FRMD5: variants seen among roughly 807,000 people sequenced by gnomAD.
FRMD5 encodes FERM domain-containing protein 5.
FRMD5 carries 20 observed loss-of-function variants against 69.0 expected under a neutral mutation model. The ratio of observed to expected loss-of-function variants is 0.29; its 90% confidence interval spans 0.20 to 0.42. FRMD5 has a LOEUF of 0.42. Ranked by LOEUF, FRMD5 falls within the 10% of genes least tolerant of loss-of-function variation. FRMD5 has a pLI of 1.00. For missense variants in FRMD5, 595 were observed against 708.6 expected, an observed-to-expected ratio of 0.84 and a Z score of 1.82; for synonymous variants, 271 against 260.1, an observed-to-expected ratio of 1.04 and a Z score of -0.40.
intron 1 of FRMD5, among the ~76,000 whole-genome samples, chr15:43,963,452 G>A (rs1261731394): frequency 6.6e-6 from 1 of 152,226 alleles, no homozygotes; most frequent in East Asian, 1.9e-4. Context: ...CTTTTACACT[G>A]TTGGTGGGAC....
At chr15:43,914,367 G>C (rs372819082) in intron 4 of FRMD5, among the ~76,000 whole-genome samples, 1 of 152,012 alleles carries the variant, frequency 6.6e-6, no homozygotes, top group Non-Finnish European at 1.5e-5. Flanking sequence ...TGTTTAGTAC[G>C]TCTTCCTCCC....
rs1274176105 is a variant in FRMD5, at chr15:43,891,851, CCAT to C, written c.728+127_728+129del. 5 of 712,190 alleles carry C rather than the reference CCAT, an allele frequency of 7.0e-6. No individual in the cohort carries two copies. In the African/African-American group the frequency reaches 8.9e-5, roughly 13 times the overall value. The allele number at this position is 712,190 out of a possible 1,614,324, so 44.1% of individuals were successfully genotyped here. ...AGACCACTCCCTTCGTCAGTTACCA[CCAT>C]CAACGCAAGGCTTTGGAGAGGGCTC... On this transcript the variant is annotated intron_variant, in intron 8 of 13. Coordinates refer to ENST00000417257, the MANE Select transcript of FRMD5 (RefSeq NM_032892.5).
intron 1 of FRMD5, among the ~76,000 whole-genome samples, chr15:44,015,065 C>G (rs1890895684): frequency 6.6e-6 from 1 of 152,044 alleles, no homozygotes; most frequent in South Asian, 2.1e-4. Flanking sequence ...TATGCCTAAC[C>G]TTGTGCCAAA....
chr15:44,152,395 A>G (rs1160506339), intron 1 of FRMD5, among the ~76,000 whole-genome samples: 4 of 152,346 alleles, frequency 2.6e-5, no homozygotes, highest in Admixed American at 6.5e-5. Flanking sequence ...AAATACATAA[A>G]TAAGCCACAA....
At chr15:44,061,972 G>A (rs1004333996) in intron 1 of FRMD5, among the ~76,000 whole-genome samples, 2 of 152,172 alleles carry the variant, frequency 1.3e-5, no homozygotes, top group Admixed American at 1.3e-4. Context: ...CATGTCTTTT[G>A]TGAGATGCAC....
rs1043256093 is a variant in FRMD5, at chr15:43,964,517, G to C, written c.103-40208C>G. Among the ~76,000 whole-genome samples, 20 of 148,934 alleles carry C rather than the reference G, an allele frequency of 1.3e-4. No homozygotes were observed. The South Asian group carries it at 3.2e-3, about 24-fold the overall frequency. ...CAAACAAACAAAAAAAAAAACAAAA[G>C]AAAAGAAAAAGAAAAATGAGTGCTC... On this transcript the variant is annotated intron_variant, in intron 1 of 13. Coordinates refer to ENST00000417257, the MANE Select transcript of FRMD5 (RefSeq NM_032892.5).
chr15:43,992,674 G>A (rs1272593881), intron 1 of FRMD5, among the ~76,000 whole-genome samples: 3 of 151,844 alleles, frequency 2.0e-5, no homozygotes, highest in South Asian at 2.1e-4. Context: ...CGCTGCACCC[G>A]GCTGGACTGG....
chr15:44,039,805 A>C (rs771701019), intron 1 of FRMD5, among the ~76,000 whole-genome samples: 2 of 152,160 alleles, frequency 1.3e-5, no homozygotes, highest in Non-Finnish European at 2.9e-5. Flanking sequence ...GCAAGGGAAG[A>C]AAACTGGATG....
At chr15:44,189,068 G>A (rs940964697) in intron 1 of FRMD5, among the ~76,000 whole-genome samples, 1 of 152,136 alleles carries the variant, frequency 6.6e-6, no homozygotes, top group Non-Finnish European at 1.5e-5. Context: ...CATGAGCATG[G>A]CACGGAAGGA....
intron 1 of FRMD5, among the ~76,000 whole-genome samples, chr15:43,970,733 G>A (rs1288462031): frequency 6.6e-6 from 1 of 152,122 alleles, no homozygotes; most frequent in African/African-American, 2.4e-5. Flanking sequence ...GATTACAGGC[G>A]TGAGCCACCG....
At chr15:44,149,349 A>G (rs1443960375) in intron 1 of FRMD5, among the ~76,000 whole-genome samples, 4 of 152,148 alleles carry the variant, frequency 2.6e-5, no homozygotes. Context: ...ATAGTAATAC[A>G]GAAATGAGAG....
chr15:43,903,856 C>T (rs965289341), intron 6 of FRMD5, among the ~76,000 whole-genome samples: 3 of 152,194 alleles, frequency 2.0e-5, no homozygotes, highest in African/African-American at 7.2e-5. Flanking sequence ...CTGATGTCTC[C>T]TAAAGCCCTC....
chr15:44,076,690 G>A (rs1346527384), intron 1 of FRMD5, among the ~76,000 whole-genome samples: 16 of 149,278 alleles, frequency 1.1e-4, no homozygotes, highest in Non-Finnish European at 2.1e-4. Context: ...GAGTTAGTGG[G>A]TGCAGTGCAC....
intron 1 of FRMD5, among the ~76,000 whole-genome samples, chr15:44,128,199 A>G (rs1375868532): frequency 6.6e-6 from 1 of 152,162 alleles, no homozygotes; most frequent in African/African-American, 2.4e-5. Flanking sequence ...ATTAAGTTTC[A>G]CTGGGCACAG....
At chr15:44,153,190 T>C (rs907924411) in intron 1 of FRMD5, among the ~76,000 whole-genome samples, 1 of 152,110 alleles carries the variant, frequency 6.6e-6, no homozygotes, top group Non-Finnish European at 1.5e-5. Context: ...TACCATATGG[T>C]CCAGCAATTC....
intron 1 of FRMD5, among the ~76,000 whole-genome samples, chr15:44,179,499 T>C (rs1323580436): frequency 2.0e-5 from 3 of 152,208 alleles, no homozygotes; most frequent in East Asian, 1.9e-4. Context: ...CTGAAATCAG[T>C]TGAATGAGCA....
intron 1 of FRMD5, among the ~76,000 whole-genome samples, chr15:44,125,318 A>G (rs2077011428): frequency 6.6e-6 from 1 of 151,980 alleles, no homozygotes; most frequent in African/African-American, 2.4e-5. Flanking sequence ...AATAATAATA[A>G]TAATAATTTA....
At chr15:44,174,908 G>T (rs1165839643) in intron 1 of FRMD5, among the ~76,000 whole-genome samples, 1 of 152,084 alleles carries the variant, frequency 6.6e-6, no homozygotes, top group Non-Finnish European at 1.5e-5. Context: ...CTGTTGGGGG[G>T]TTGGGAGGAA....
rs569959627 is a variant in FRMD5 at position 43,989,009 on chromosome 15, G to A, written c.103-64700C>T. On this transcript the variant is annotated intron_variant, in intron 1 of 13. Transcript: ENST00000417257. ...ATGCCAATCTCATCTTGTTTTCTGC[G>A]CAAGTTAGGTTTTGTCAAGAAAGGG... 26 of 774,360 alleles carry A rather than the reference G, an allele frequency of 3.4e-5. No individual in the cohort carries two copies. In the Admixed American group the frequency reaches 3.6e-4, roughly 11 times the overall value. The allele number at this position is 774,360 out of a possible 1,614,324, so 48.0% of individuals were successfully genotyped here. A position where few individuals can be genotyped will look rare whatever the true frequency, so the allele number is the denominator to read the frequency against.
Sources: gnomAD v4.1 joint callset for allele counts (sites outside exome capture counted in the v4.1 genomes callset) on GRCh38, gnomAD v4.1.1 for gene constraint, MANE v1.5 for transcripts, NCBI Gene and HGNC (gene_info 2026-07-23, HGNC 2026-07-21) for gene names.